Variants in TRMO observed in about 807,000 individuals in gnomAD.
TRMO encodes tRNA (adenine(37)-N6)-methyltransferase.
In TRMO, 30 loss-of-function variants were observed where a neutral mutation model predicts 37.2. The ratio of observed to expected loss-of-function variants is 0.81; its 90% confidence interval spans 0.60 to 1.09. TRMO has a LOEUF of 1.09. TRMO is among the 50% of genes least tolerant of loss of function. The pLI, the probability that TRMO is intolerant of heterozygous loss-of-function variation, is 0.00. For synonymous variants in TRMO, 239 were observed against 199.4 expected (o/e 1.20, Z -1.67); for missense variants, 552 against 549.5 (o/e 1.00, Z -0.05).
chr9:97,907,443 A>G (rs1825902875), intron 4 of TRMO, among the ~76,000 whole-genome samples: 1 of 152,208 alleles, frequency 6.6e-6, no homozygotes, highest in Admixed American at 6.5e-5. Context: ...TTGGATTATC[A>G]AAGCCAAATA....
chr9:97,903,139 G>A (rs1283430137), downstream of TRMO, among the ~76,000 whole-genome samples: 22 of 151,952 alleles, frequency 1.4e-4, no homozygotes, highest in Non-Finnish European at 2.1e-4. Flanking sequence ...ATGGTGGCAT[G>A]AGCCTGTAGA....
intron 2 of TRMO, among the ~76,000 whole-genome samples, chr9:97,915,951 G>C (rs1010529950): frequency 2.0e-5 from 3 of 152,196 alleles, no homozygotes; most frequent in Non-Finnish European, 4.4e-5. Context: ...TGAGGTGGAA[G>C]GATACCTTGA....
chr9:97,907,169 A>T (rs2131516311), intron 4 of TRMO, among the ~76,000 whole-genome samples: 1 of 152,358 alleles, frequency 6.6e-6, no homozygotes, highest in South Asian at 2.1e-4. Context: ...TGACCACGAG[A>T]CTGCCGTGTC....
intron 4 of TRMO, among the ~76,000 whole-genome samples, chr9:97,909,443 C>T (rs1393788721): frequency 1.3e-5 from 2 of 152,202 alleles, no homozygotes; most frequent in Non-Finnish European, 1.5e-5. Context: ...GTGTATGCCT[C>T]TAGCAGTGGG....
At chr9:97,918,239 T>A (rs938791537) in intron 1 of TRMO, among the ~76,000 whole-genome samples, 7 of 145,042 alleles carry the variant, frequency 4.8e-5, no homozygotes, top group Admixed American at 4.1e-4. Context: ...AAAAAAAAAA[T>A]AATTAGCCAG....
chr9:97,909,182 CCT>C (rs1825995023), intron 4 of TRMO, among the ~76,000 whole-genome samples: 2 of 152,108 alleles, frequency 1.3e-5, no homozygotes, highest in African/African-American at 4.8e-5. Context: ...GAACTCCGGA[CCT>C]CAAGTGATCC....
chr9:97,901,252 T>C (rs202224244), downstream of TRMO, among the ~76,000 whole-genome samples: 2 of 63,998 alleles, frequency 3.1e-5, no homozygotes, highest in Non-Finnish European at 5.2e-5. Flanking sequence ...AGTAGAGAAT[T>C]GTTTCTTCTC....
intron 4 of TRMO, 79 bp from the exon 5 acceptor site, chr9:97,905,071 T>C (rs1320366809): frequency 4.7e-6 from 7 of 1,488,254 alleles, no homozygotes; most frequent in Non-Finnish European, 6.4e-6. Flanking sequence ...ATATGGAATC[T>C]GGTTGGTTCC....
At chr9:97,900,477 G>A (rs1347702640), downstream of TRMO, among the ~76,000 whole-genome samples, 3 of 152,238 alleles carry the variant, frequency 2.0e-5, no homozygotes, top group Non-Finnish European at 4.4e-5. Context: ...TTCTTCACGA[G>A]TGGTTGGATT....
At chr9:97,897,123 T>C in the TRMO span, among the ~76,000 whole-genome samples, 3 of 152,220 alleles carry the variant, frequency 2.0e-5, no homozygotes, top group Non-Finnish European at 4.4e-5. Context: ...ATACTTGCCA[T>C]TTATATCCTA....
At chr9:97,901,775 G>A (rs1831174955), downstream of TRMO, among the ~76,000 whole-genome samples, 1 of 149,348 alleles carries the variant, frequency 6.7e-6, no homozygotes, top group Non-Finnish European at 1.5e-5. Flanking sequence ...AAAAAAGCTT[G>A]GATGGATAAA....
At position 97,909,990 on chromosome 9, in the gene TRMO, C is replaced by A. The variant is rs762718484; in HGVS notation, c.1036G>T (p.Glu346Ter). ...TLEVRFTPHAEMDLGQLSSQD... is the reference protein window; with the variant it reads ...TLEVRFTPHA The stretch of plus-strand genomic sequence containing the variant: ...GAACTGAGCTGCCCAAGGTCCATCT[C>A]GGCATGAGGAGTAAACCGCACTTCT... The change falls in exon 4 of 5, where the codon GAG becomes TAG. Residue 346 changes from glutamate to a stop codon, truncating the protein, a stop_gained. Transcript: ENST00000375119. LOFTEE classifies it high-confidence loss of function. 6.4e-7 allele frequency: 1 copy of A among 1,562,330 alleles called. No individual in the cohort carries two copies.
At chr9:97,904,393 G>T, downstream of TRMO, 1 of 728,036 alleles carries the variant, frequency 1.4e-6, no homozygotes, top group Non-Finnish European at 1.7e-6. Context: ...TTACTGAATA[G>T]ATCCCCTCAA....
intron 4 of TRMO, among the ~76,000 whole-genome samples, chr9:97,909,097 G>A (rs528939355): frequency 6.6e-6 from 1 of 152,102 alleles, no homozygotes; most frequent in Non-Finnish European, 1.5e-5. Context: ...TGAAATTACA[G>A]GCACCTGCCA....
chr9:97,896,939 A>T, the TRMO span, among the ~76,000 whole-genome samples: 1 of 152,252 alleles, frequency 6.6e-6, no homozygotes, highest in Non-Finnish European at 1.5e-5. Flanking sequence ...TTCATAAGGT[A>T]CTGAAGAGAA....
intron 3 of TRMO, chr9:97,910,858 G>A: frequency 1.7e-6 from 1 of 589,038 alleles, no homozygotes; most frequent in Non-Finnish European, 3.1e-6. Context: ...AAGCCTTTCT[G>A]GCTCCTCCAG....
chr9:97,898,564 T>A, the TRMO span, among the ~76,000 whole-genome samples: 14 of 152,076 alleles, frequency 9.2e-5, no homozygotes, highest in African/African-American at 2.7e-4. Flanking sequence ...CCAAAAAAAA[T>A]TTTGTTTTAG....
chr9:97,899,823 G>T (rs1373886606), downstream of TRMO, among the ~76,000 whole-genome samples: 1 of 152,078 alleles, frequency 6.6e-6, no homozygotes, highest in Non-Finnish European at 1.5e-5. Flanking sequence ...GAGCCCAGGG[G>T]CAGAAGTTGT....
At chr9:97,903,807 T>C (rs1316769271), downstream of TRMO, among the ~76,000 whole-genome samples, 1 of 152,066 alleles carries the variant, frequency 6.6e-6, no homozygotes, top group African/African-American at 2.4e-5. Flanking sequence ...AAAACAGTAA[T>C]TATAGGCCAG....
Sources: allele counts gnomAD v4.1 joint callset (sites outside exome capture counted in the v4.1 genomes callset), GRCh38; gene constraint gnomAD v4.1.1; transcripts MANE v1.5; gene names NCBI Gene and HGNC (gene_info 2026-07-23, HGNC 2026-07-21).